The following KLHL7 variants were observed in gnomAD, a reference collection of about 807,000 sequenced individuals.
KLHL7 encodes kelch like family member 7, also known as kelch-like protein 7.
A neutral mutation model predicts 67.4 loss-of-function variants in KLHL7; 44 were observed. The ratio of observed to expected loss-of-function variants is 0.65; its 90% CI spans 0.51 to 0.84. KLHL7 has a LOEUF of 0.84. Ranked by LOEUF, KLHL7 falls within the 40% of genes least tolerant of loss-of-function variation. The pLI, the probability that KLHL7 is intolerant of heterozygous loss-of-function variation, is 0.00. For missense variants in KLHL7, 362 were observed against 718.1 expected (o/e 0.50, Z 5.67); for synonymous variants, 252 against 243.3 (o/e 1.04, Z -0.33).
intron 4 of KLHL7, chr7:23,140,559 A>T: frequency 3.5e-6 from 2 of 579,416 alleles, no homozygotes; most frequent in Non-Finnish European, 6.0e-6. Context: ...TCCGTCTCAA[A>T]AAACAAAAAA....
In KLHL7 at chr7:23,175,139, AGTG is replaced by A. The variant is rs1265950428; in HGVS notation, c.*842_*844del. The A allele has an allele frequency of 4.4e-6, 2 of 454,124 alleles. No homozygotes were observed. Among genetic ancestry groups the A allele is most frequent in the Non-Finnish European group, 8.8e-6 (2 of 226,772 alleles). The allele number at this position is 454,124 out of a possible 1,614,324, so 28.1% of individuals were successfully genotyped here. Reference sequence around the variant, plus strand: ...AAAGCACTGGTAGTTGTACAATATCAGTGTTGACTTTGAACTTCTTTAACGAGA... The same window carrying A: ...AAAGCACTGGTAGTTGTACAATATCATTGACTTTGAACTTCTTTAACGAGA... On this transcript the variant is annotated 3_prime_UTR_variant, in exon 11 of 11. Transcript: ENST00000339077.
intron 4 of KLHL7, among the ~76,000 whole-genome samples, chr7:23,131,605 C>T (rs901406754): frequency 1.3e-5 from 2 of 152,062 alleles, no homozygotes; most frequent in African/African-American, 4.8e-5. Flanking sequence ...ATGGGGTATC[C>T]ATCCCCTCAA....
Position 23,121,561 on chromosome 7 carries a change from A to G in KLHL7, c.121-2216A>G, listed in dbSNP as rs544181049. Among the ~76,000 whole-genome samples the G allele has an allele frequency of 7.2e-5, 11 of 151,954 alleles. No individual in the cohort carries two copies. In the South Asian group the frequency reaches 2.3e-3, roughly 32 times the overall value. ...GCAATCCACCTGCCTTGGCCTCCCA[A>G]AAATGCTAGGATTGGAGGTGTGAGC... is the stretch of plus-strand genomic sequence containing the variant. On this transcript the variant is annotated intron_variant, in intron 1 of 10. Coordinates refer to ENST00000339077, the MANE Select transcript of KLHL7 (RefSeq NM_001031710.3).
chr7:23,141,869 C>T (rs1311810233), intron 5 of KLHL7, among the ~76,000 whole-genome samples: 11 of 151,926 alleles, frequency 7.2e-5, no homozygotes, highest in Admixed American at 1.3e-4. Context: ...GTGATCTGCC[C>T]GCCTTGGCCT....
At chr7:23,130,903 C>T (rs1783775432) in intron 4 of KLHL7, among the ~76,000 whole-genome samples, 1 of 152,138 alleles carries the variant, frequency 6.6e-6, no homozygotes, top group East Asian at 1.9e-4. Context: ...ATTCCCTTTG[C>T]ATAACAAACA....
At chr7:23,122,201 T>C (rs10224327) in intron 1 of KLHL7, among the ~76,000 whole-genome samples, 54,616 of 152,008 alleles carry the variant, frequency 0.36, 9,978 homozygotes, top group African/African-American at 0.4. Context: ...TAAACTCTGT[T>C]GTTGAGTATG....
rs1784427108 is a variant in KLHL7 at position 23,148,410 on chromosome 7, ACAG to A, written c.794-3652_794-3650del. On this transcript the variant is annotated intron_variant, in intron 6 of 10. Transcript: ENST00000339077. ...ACAAGAAAATTAAAAAAAAAAAAAA[ACAG>A]CAGCCCCAAAGCTACTTGAACCAAA... 2.9e-5 allele frequency among the ~76,000 whole-genome samples: 4 copies of A among 138,086 alleles called. No individual in the cohort carries two copies. In the South Asian group the frequency reaches 8.7e-4, roughly 30 times the overall value. 90.6% of individuals were successfully genotyped at this position (138,086 alleles called of 152,430 possible). A position where few individuals can be genotyped will look rare whatever the true frequency, so the allele number is the denominator to read the frequency against.
chr7:23,145,844 C>T (rs1271433248), intron 6 of KLHL7, among the ~76,000 whole-genome samples: 2 of 152,198 alleles, frequency 1.3e-5, no homozygotes, highest in Admixed American at 1.3e-4. Context: ...GATCCTTTCA[C>T]CTCAGCCTCC....
intron 4 of KLHL7, among the ~76,000 whole-genome samples, chr7:23,135,746 T>C (rs1783953978): frequency 6.6e-6 from 1 of 152,184 alleles, no homozygotes; most frequent in South Asian, 2.1e-4. Context: ...CACTGGCTTC[T>C]GAATGAGTGA....
chr7:23,154,074 C>A (rs1047826288), intron 7 of KLHL7, among the ~76,000 whole-genome samples: 1 of 152,166 alleles, frequency 6.6e-6, no homozygotes, highest in South Asian at 2.1e-4. Flanking sequence ...TATTTACAGG[C>A]CAGGTGCAGT....
chr7:23,147,393 C>G (rs1394776108), intron 6 of KLHL7, among the ~76,000 whole-genome samples: 1 of 152,014 alleles, frequency 6.6e-6, no homozygotes, highest in Non-Finnish European at 1.5e-5. Flanking sequence ...GCTGGCCTAC[C>G]CTGGTCATTT....
chr7:23,130,073 T>G (rs1783740195), intron 4 of KLHL7, among the ~76,000 whole-genome samples: 1 of 152,214 alleles, frequency 6.6e-6, no homozygotes, highest in Middle Eastern at 3.2e-3. Context: ...CTAATGTGTT[T>G]TATCCAGTTA....
chr7:23,170,711 C>T (rs1281864970), intron 9 of KLHL7, among the ~76,000 whole-genome samples: 1 of 152,082 alleles, frequency 6.6e-6, no homozygotes, highest in East Asian at 1.9e-4. Flanking sequence ...TTGATCATTA[C>T]ACATTGTATA....
chr7:23,138,869 G>C (rs960726647), intron 4 of KLHL7, among the ~76,000 whole-genome samples: 11 of 152,078 alleles, frequency 7.2e-5, no homozygotes, highest in African/African-American at 1.2e-4. Context: ...TGAAGGCTTT[G>C]TGGGTTAATT....
Position 23,175,396 on chromosome 7 carries a change from A to C in KLHL7, c.*1098A>C. The C allele has an allele frequency of 2.3e-6, 1 of 440,544 alleles. No individual in the cohort carries two copies. Among genetic ancestry groups the C allele is most frequent in the South Asian group, 1.7e-5 (1 of 59,628 alleles). The allele number at this position is 440,544 out of a possible 1,614,324, so 27.3% of individuals were successfully genotyped here. The stretch of plus-strand genomic sequence containing the variant: ...GTCACAATCAATGTTTTTATCTGAT[A>C]ATATTAAATATTTTTTAACTTAAAA... On this transcript the variant is annotated 3_prime_UTR_variant, in exon 11 of 11. Coordinates refer to ENST00000339077, the MANE Select transcript of KLHL7 (RefSeq NM_001031710.3).
chr7:23,162,666 G>C lies in KLHL7; in HGVS notation c.937-3032G>C, dbSNP rs138931080. On this transcript the variant is annotated intron_variant, in intron 7 of 10. Coordinates refer to ENST00000339077, the MANE Select transcript of KLHL7 (RefSeq NM_001031710.3). Reference sequence around the variant, plus strand: ...AATGAAGCCAAAACTGTTTCTATGTGTTTCTCATGAAATTACTTCTAGGAA... The same window carrying C: ...AATGAAGCCAAAACTGTTTCTATGTCTTTCTCATGAAATTACTTCTAGGAA... Among the ~76,000 whole-genome samples the C allele has an allele frequency of 5.7e-3, 868 of 152,222 alleles. 10 individuals are homozygous for C. Among genetic ancestry groups the C allele is most frequent in the African/African-American group, 0.02 (810 of 41,518 alleles).
At position 23,177,689 on chromosome 7, in the gene KLHL7, G is replaced by C. The variant is rs1785320529; in HGVS notation, c.*3391G>C. ...TGATATTATTTTGATGACAAAGTAAGTTTATGCTTTCAAAAATCACAATTC... is the reference window on the plus strand; with the variant it reads ...TGATATTATTTTGATGACAAAGTAACTTTATGCTTTCAAAAATCACAATTC... On this transcript the variant is annotated 3_prime_UTR_variant, in exon 11 of 11. Coordinates refer to ENST00000339077, the MANE Select transcript of KLHL7 (RefSeq NM_001031710.3). 1 of 152,046 alleles carries C rather than the reference G, an allele frequency of 6.6e-6. No individual in the cohort carries two copies. Among genetic ancestry groups the C allele is most frequent in the Admixed American group, 6.6e-5 (1 of 15,266 alleles). The allele number at this position is 152,046 out of a possible 1,614,324, so 9.4% of individuals were successfully genotyped here.
chr7:23,142,328 A>T (rs1052946162), intron 5 of KLHL7, among the ~76,000 whole-genome samples: 1 of 152,200 alleles, frequency 6.6e-6, no homozygotes, highest in Non-Finnish European at 1.5e-5. Context: ...CTATAAGATC[A>T]TATGTTTTAA....
intron 6 of KLHL7, among the ~76,000 whole-genome samples, chr7:23,149,072 A>G (rs953517355): frequency 6.6e-6 from 1 of 152,226 alleles, no homozygotes. Context: ...TTGAAAAATA[A>G]CATAAAACTA....
Sources: gnomAD v4.1 joint callset for allele counts (sites outside exome capture counted in the v4.1 genomes callset) on GRCh38, gnomAD v4.1.1 for gene constraint, MANE v1.5 for transcripts, NCBI Gene and HGNC (gene_info 2026-07-23, HGNC 2026-07-21) for gene names.